The following DOCK7 variants were observed in gnomAD, a reference collection of about 807,000 sequenced individuals.
DOCK7 encodes the protein dedicator of cytokinesis 7, also known as dedicator of cytokinesis protein 7.
Under a neutral mutation model 271.0 loss-of-function variants are expected in DOCK7, and 138 were observed. The ratio of observed to expected loss-of-function variants is 0.51; its 90% CI spans 0.44 to 0.59. The LOEUF (loss-of-function observed/expected upper bound fraction) is 0.59. DOCK7 is among the 20% of genes least tolerant of loss of function. The pLI, the probability that DOCK7 is intolerant of heterozygous loss-of-function variation, is 0.00. For missense variants in DOCK7, 2,066 were observed against 2,592.4 expected, an observed-to-expected ratio of 0.80 and a Z score of 4.41; for synonymous variants, 823 against 876.1, an observed-to-expected ratio of 0.94 and a Z score of 1.07.
intron 22 of DOCK7, among the ~76,000 whole-genome samples, chr1:62,547,110 G>A (rs536085307): frequency 1.8e-4 from 28 of 151,878 alleles, no homozygotes; most frequent in African/African-American, 6.3e-4. Context: ...TATGATAATC[G>A]CTAATATGAG....
At chr1:62,479,504 A>AC (rs1283269544) in intron 43 of DOCK7, among the ~76,000 whole-genome samples, 1 of 152,168 alleles carries the variant, frequency 6.6e-6, no homozygotes, top group Non-Finnish European at 1.5e-5. Context: ...TCTGATTAAA[A>AC]CCATAAGTAA....
chr1:62,537,113 C>T (rs936114577), intron 28 of DOCK7, among the ~76,000 whole-genome samples: 19 of 152,098 alleles, frequency 1.2e-4, no homozygotes, highest in Admixed American at 1.3e-4. Context: ...ATGCTTCATC[C>T]CCCACTTCCT....
chr1:62,562,816 A>G (rs1646372050), intron 18 of DOCK7, among the ~76,000 whole-genome samples: 1 of 152,074 alleles, frequency 6.6e-6, no homozygotes, highest in Non-Finnish European at 1.5e-5. Flanking sequence ...TGGAGAAACA[A>G]AGCCCCAAGA....
chr1:62,591,654 AC>A lies in DOCK7; in HGVS notation c.1683-5031del, dbSNP rs532037522. On this transcript the variant is annotated intron_variant, in intron 14 of 49. Coordinates refer to ENST00000635253, the MANE Select transcript of DOCK7 (RefSeq NM_001367561.1). ...CATGCCATGCATGCTTCCCTCTACC[AC>A]CCCCCACTCCCAAATCTCCACATTT... 3.2e-3 allele frequency among the ~76,000 whole-genome samples: 484 copies of A among 151,500 alleles called. 3 individuals carry two copies. The highest frequency in any genetic ancestry group is 0.011 in the African/African-American group (469 of 41,290).
intron 36 of DOCK7, among the ~76,000 whole-genome samples, chr1:62,505,409 C>T (rs1009157798): frequency 2.6e-5 from 4 of 152,120 alleles, no homozygotes; most frequent in Non-Finnish European, 4.4e-5. Flanking sequence ...TTAAGATTGG[C>T]TATTAATTTC....
intron 14 of DOCK7, among the ~76,000 whole-genome samples, chr1:62,612,809 C>G (rs781564354): frequency 2.0e-5 from 3 of 152,082 alleles, no homozygotes; most frequent in Non-Finnish European, 4.4e-5. Context: ...TTCTTAGTAA[C>G]GCACCATGTT....
Position 62,532,614 on chromosome 1 carries a change from C to A in DOCK7, c.3611+2879G>T, listed in dbSNP as rs183557959. 1.1e-3 allele frequency among the ~76,000 whole-genome samples: 160 copies of A among 152,322 alleles called. 3 individuals carry two copies. In the South Asian group the frequency reaches 0.019, roughly 18 times the overall value. On this transcript the variant is annotated intron_variant, in intron 29 of 49. Transcript: ENST00000635253. ...CCTCGCAAAGTGTTGGGATTACAGG[C>A]ATGAGCCTCTGTGCCTGGCCAATAT...
intron 1 of DOCK7, among the ~76,000 whole-genome samples, chr1:62,666,492 T>C (rs867401070): frequency 6.6e-6 from 1 of 152,194 alleles, no homozygotes; most frequent in South Asian, 2.1e-4. Context: ...AACTGAGCTA[T>C]AGTAGCCATA....
At chr1:62,626,888 A>G (rs745736025) in intron 11 of DOCK7, among the ~76,000 whole-genome samples, 1 of 152,158 alleles carries the variant, frequency 6.6e-6, no homozygotes, top group Non-Finnish European at 1.5e-5. Context: ...AACTCATTCT[A>G]TGAGGCCAGT....
intron 18 of DOCK7, among the ~76,000 whole-genome samples, chr1:62,574,971 T>G (rs1465717623): frequency 6.6e-6 from 1 of 152,148 alleles, no homozygotes; most frequent in African/African-American, 2.4e-5. Context: ...CCTCAGGTGA[T>G]CTGCCCACCT....
intron 12 of DOCK7, among the ~76,000 whole-genome samples, chr1:62,620,367 A>G (rs1172844332): frequency 6.6e-6 from 1 of 151,764 alleles, no homozygotes; most frequent in East Asian, 1.9e-4. Flanking sequence ...GATGAAAAAT[A>G]AATTTATAGT....
At chr1:62,639,546 T>C (rs1297066164) in intron 7 of DOCK7, among the ~76,000 whole-genome samples, 1 of 147,234 alleles carries the variant, frequency 6.8e-6, no homozygotes, top group Admixed American at 7.0e-5. Flanking sequence ...GCCATTCTCC[T>C]GCCTCAGCCT....
intron 7 of DOCK7, among the ~76,000 whole-genome samples, chr1:62,646,011 G>A (rs906078577): frequency 6.6e-6 from 1 of 152,018 alleles, no homozygotes; most frequent in African/African-American, 2.4e-5. Flanking sequence ...GCCAGGCGTG[G>A]TGACATGCAC....
chr1:62,457,090 G>A (rs2154235), intron 49 of DOCK7, among the ~76,000 whole-genome samples: 11 of 152,092 alleles, frequency 7.2e-5, no homozygotes, highest in African/African-American at 1.7e-4. Context: ...TCATTATACA[G>A]AGGAGAAATC....
chr1:62,557,758 A>T (rs1646193503), intron 20 of DOCK7, among the ~76,000 whole-genome samples: 1 of 151,598 alleles, frequency 6.6e-6, no homozygotes, highest in Admixed American at 6.6e-5. Context: ...TTACTTATAT[A>T]ATCTATAACA....
chr1:62,675,978 G>T (rs566621249), intron 1 of DOCK7, among the ~76,000 whole-genome samples: 2 of 152,050 alleles, frequency 1.3e-5, no homozygotes, highest in Non-Finnish European at 2.9e-5. Context: ...GAACAGTTTC[G>T]CAGATCCTCA....
intron 7 of DOCK7, among the ~76,000 whole-genome samples, chr1:62,646,364 C>A (rs1273191054): frequency 6.6e-6 from 1 of 152,088 alleles, no homozygotes; most frequent in East Asian, 1.9e-4. Context: ...GGAGTGATTA[C>A]TAACAGGTAT....
chr1:62,495,966 C>T, intron 38 of DOCK7: 4 of 365,392 alleles, frequency 1.1e-5, no homozygotes, highest in Non-Finnish European at 1.9e-5. Flanking sequence ...TACAAGAATA[C>T]AAAAGGAAAA....
chr1:62,470,737 T>C (rs983129456), intron 48 of DOCK7, among the ~76,000 whole-genome samples: 3 of 152,096 alleles, frequency 2.0e-5, no homozygotes. Flanking sequence ...GAGGGTGCAG[T>C]GAGCTGAGAT....
Sources: allele counts gnomAD v4.1 joint callset (sites outside exome capture counted in the v4.1 genomes callset), GRCh38; gene constraint gnomAD v4.1.1; transcripts MANE v1.5; gene names NCBI Gene and HGNC (gene_info 2026-07-23, HGNC 2026-07-21).